PTPRO: variants seen among roughly 807,000 people sequenced by gnomAD.
PTPRO encodes the protein receptor-type tyrosine-protein phosphatase O.
PTPRO carries 62 observed loss-of-function variants against 145.2 expected under a neutral mutation model. That is an observed-to-expected ratio of 0.43 (90% confidence interval 0.35 to 0.53). The LOEUF is 0.53. Ranked by LOEUF, PTPRO falls within the 20% of genes least tolerant of loss-of-function variation. PTPRO has a pLI of 0.01. For synonymous variants in PTPRO, 565 were observed against 514.7 expected, an observed-to-expected ratio of 1.10 and a Z score of -1.32; for missense variants, 1,345 against 1,482.7, an observed-to-expected ratio of 0.91 and a Z score of 1.53.
At chr12:15,525,016 A>C in intron 11 of PTPRO, 51 bp downstream of exon 11, 4 of 1,584,338 alleles carry the variant, frequency 2.5e-6, no homozygotes, top group Non-Finnish European at 3.5e-6. Flanking sequence ...TAGTTTTATG[A>C]ACTATTGAAA....
At chr12:15,405,734 A>G (rs1939630125) in intron 1 of PTPRO, among the ~76,000 whole-genome samples, 1 of 152,180 alleles carries the variant, frequency 6.6e-6, no homozygotes, top group Admixed American at 6.5e-5. Context: ...ATCATTTTTA[A>G]TTTATTAGAA....
At chr12:15,396,376 T>C (rs1939339461) in intron 1 of PTPRO, among the ~76,000 whole-genome samples, 1 of 152,174 alleles carries the variant, frequency 6.6e-6, no homozygotes, top group African/African-American at 2.4e-5. Context: ...TTATTAGGCA[T>C]GTATCATTAA....
intron 8 of PTPRO, 76 bp downstream of exon 8, chr12:15,515,694 A>C: frequency 3.8e-6 from 6 of 1,575,664 alleles, no homozygotes; most frequent in Non-Finnish European, 5.2e-6. Flanking sequence ...GTGCGAGCTC[A>C]AATCATTATC....
intron 1 of PTPRO, among the ~76,000 whole-genome samples, chr12:15,393,329 T>A (rs1939242872): frequency 6.6e-6 from 1 of 152,212 alleles, no homozygotes; most frequent in African/African-American, 2.4e-5. Flanking sequence ...GGTAAGAGAC[T>A]GGTACCTCAC....
chr12:15,566,777 T>G (rs1565433463), intron 18 of PTPRO, among the ~76,000 whole-genome samples: 3 of 152,086 alleles, frequency 2.0e-5, no homozygotes, highest in South Asian at 2.1e-4. Flanking sequence ...CTCCTCAGCC[T>G]CCCAAAGTGC....
At chr12:15,397,910 G>A (rs1555155616) in intron 1 of PTPRO, among the ~76,000 whole-genome samples, 1 of 152,112 alleles carries the variant, frequency 6.6e-6, no homozygotes, top group Non-Finnish European at 1.5e-5. Context: ...CATTATTATA[G>A]CAATGGATTA....
intron 1 of PTPRO, among the ~76,000 whole-genome samples, chr12:15,478,514 T>G (rs565549911): frequency 6.6e-5 from 10 of 152,170 alleles, no homozygotes; most frequent in Non-Finnish European, 1.5e-4. Context: ...ATTTTTCTTT[T>G]TAAGGATTAC....
At chr12:15,529,259 G>A (rs1257868245) in intron 12 of PTPRO, among the ~76,000 whole-genome samples, 1 of 152,148 alleles carries the variant, frequency 6.6e-6, no homozygotes, top group Non-Finnish European at 1.5e-5. Context: ...AGTCAAAATT[G>A]GGTGGTGGAG....
intron 2 of PTPRO, among the ~76,000 whole-genome samples, chr12:15,493,332 C>T (rs1201275830): frequency 6.6e-6 from 1 of 151,896 alleles, no homozygotes; most frequent in African/African-American, 2.4e-5. Flanking sequence ...ACCTATAGCT[C>T]TGAGTTAAAG....
chr12:15,372,271 G>A (rs1277852408), intron 1 of PTPRO, among the ~76,000 whole-genome samples: 2 of 152,114 alleles, frequency 1.3e-5, no homozygotes, highest in Non-Finnish European at 2.9e-5. Context: ...TGAGATATTT[G>A]ATTACCATGA....
At chr12:15,575,302 G>A (rs12427052) in intron 19 of PTPRO, among the ~76,000 whole-genome samples, 85,721 of 152,060 alleles carry the variant, frequency 0.56, 27,659 homozygotes, top group South Asian at 0.78. Flanking sequence ...AGGAAGAGGA[G>A]AGGCCAGGTT....
In PTPRO at chr12:15,578,868, G is replaced by A. The variant is rs868179471; in HGVS notation, c.2845G>A (p.Gly949Arg). 6.3e-7 allele frequency: 1 copy of A among 1,599,296 alleles called. No homozygotes were observed. Among genetic ancestry groups the A allele is most frequent in the Non-Finnish European group, 8.6e-7 (1 of 1,166,596 alleles). ...SLQFEELKLI[G>R]LDIPHFAADL... ...TCCTTTACAGGAGTTGAAATTGATTGGACTGGATATCCCACACTTTGCTGC... is the reference window on the plus strand; with the variant it reads ...TCCTTTACAGGAGTTGAAATTGATTAGACTGGATATCCCACACTTTGCTGC... The change falls in exon 20 of 27, where the codon GGA (glycine) becomes AGA (arginine). Residue 949 changes from glycine to arginine, a missense_variant. This residue lies in a region of PTPRO where 1,130 missense variants were observed against 1,214.7 expected (regional missense o/e 0.93). Coordinates refer to ENST00000281171, the MANE Select transcript of PTPRO (RefSeq NM_030667.3).
intron 1 of PTPRO, among the ~76,000 whole-genome samples, chr12:15,478,056 A>T (rs888162): frequency 0.86 from 131,428 of 152,134 alleles, 58,493 homozygotes; most frequent in South Asian, 0.97. Context: ...TGTTCCCTAC[A>T]TTCTCAATTC....
chr12:15,581,834 C>T, intron 23 of PTPRO, 33 bp downstream of exon 23: 1 of 1,612,876 alleles, frequency 6.2e-7, no homozygotes, highest in Non-Finnish European at 8.5e-7. Flanking sequence ...GGTGCTGTCC[C>T]TATGCTGACA....
Position 15,491,145 on chromosome 12 carries a change from C to T in PTPRO, c.350-6100C>T, listed in dbSNP as rs571889436. Among the ~76,000 whole-genome samples the T allele has an allele frequency of 5.9e-4, 90 of 152,286 alleles. No individual in the cohort carries two copies. In the South Asian group the frequency reaches 8.3e-3, roughly 14 times the overall value. On this transcript the variant is annotated intron_variant, in intron 2 of 26. Transcript: ENST00000281171. ...ATCATCTATGCACCAAACAGCAGCTCTGGCCTCAGTCCAGTCTCTTTTCCC... is the reference window on the plus strand; with the variant it reads ...ATCATCTATGCACCAAACAGCAGCTTTGGCCTCAGTCCAGTCTCTTTTCCC...
At chr12:15,424,826 C>T (rs915774733) in intron 1 of PTPRO, among the ~76,000 whole-genome samples, 3 of 152,006 alleles carry the variant, frequency 2.0e-5, no homozygotes, top group Non-Finnish European at 2.9e-5. Context: ...GACAGGTCAA[C>T]GTGGCCCAAG....
At chr12:15,421,892 G>A (rs1940157012) in intron 1 of PTPRO, among the ~76,000 whole-genome samples, 1 of 152,134 alleles carries the variant, frequency 6.6e-6, no homozygotes, top group African/African-American at 2.4e-5. Context: ...TTTTTAAAGT[G>A]TGACAGGATT....
At chr12:15,440,535 A>C (rs1053888751) in intron 1 of PTPRO, 1 of 165,000 alleles carries the variant, frequency 6.1e-6, no homozygotes, top group Non-Finnish European at 1.3e-5. Flanking sequence ...GGTTGGAGAA[A>C]GATCTACCAT....
chr12:15,490,470 T>C (rs1326333119), intron 2 of PTPRO, among the ~76,000 whole-genome samples: 2 of 152,220 alleles, frequency 1.3e-5, no homozygotes, highest in African/African-American at 4.8e-5. Flanking sequence ...ATTTTATTTT[T>C]TTATACAATT....
Sources: gnomAD v4.1 joint callset for allele counts (sites outside exome capture counted in the v4.1 genomes callset) on GRCh38, gnomAD v4.1.1 for gene constraint, gnomAD v4.1.1 regional missense constraint, MANE v1.5 for transcripts, NCBI Gene and HGNC (gene_info 2026-07-23, HGNC 2026-07-21) for gene names.